Variants in ASIP observed in about 807,000 individuals in gnomAD.
ASIP encodes the protein agouti signaling protein.
A neutral mutation model predicts 10.3 loss-of-function variants in ASIP; 11 were observed. The ratio of observed to expected loss-of-function variants is 1.07; its 90% CI spans 0.68 to 1.78. ASIP has a LOEUF of 1.78. ASIP is among the 40% of genes most tolerant of loss of function. The pLI is 0.00. For missense variants in ASIP, 180 were observed against 169.2 expected (o/e 1.06, Z -0.35); for synonymous variants, 70 against 70.8 (o/e 0.99, Z 0.06).
At chr20:34,198,540 G>A (rs2034873223) in intron 1 of ASIP, among the ~76,000 whole-genome samples, 1 of 152,092 alleles carries the variant, frequency 6.6e-6, no homozygotes, top group African/African-American at 2.4e-5. Context: ...AGGCTGGAGT[G>A]CAGTGGTGTG....
chr20:34,223,199 C>G (rs2035062642), intron 1 of ASIP, among the ~76,000 whole-genome samples: 1 of 151,932 alleles, frequency 6.6e-6, no homozygotes, highest in Non-Finnish European at 1.5e-5. Flanking sequence ...CTCTTCCCAG[C>G]CGCCATCACA....
chr20:34,214,921 A>G, intron 1 of ASIP: 2 of 1,496,846 alleles, frequency 1.3e-6, no homozygotes, highest in East Asian at 2.3e-5. Flanking sequence ...AGCATTCTTA[A>G]TATTCCCATT....
At chr20:34,265,080 C>T (rs1288740440) in intron 3 of ASIP, among the ~76,000 whole-genome samples, 1 of 152,096 alleles carries the variant, frequency 6.6e-6, no homozygotes, top group Admixed American at 6.5e-5. Context: ...CCTGCATTAG[C>T]CACCATGCCC....
upstream of ASIP, among the ~76,000 whole-genome samples, chr20:34,194,254 T>TA (rs1207210126): frequency 1.3e-5 from 2 of 152,166 alleles, no homozygotes; most frequent in Non-Finnish European, 2.9e-5. Flanking sequence ...AAAAAAATCT[T>TA]ACTTTCTTCC....
At chr20:34,222,581 C>T (rs2035055143) in intron 1 of ASIP, among the ~76,000 whole-genome samples, 1 of 152,178 alleles carries the variant, frequency 6.6e-6, no homozygotes, top group Admixed American at 6.5e-5. Context: ...AAGTGGGACC[C>T]AGGAATCTTT....
intron 1 of ASIP, among the ~76,000 whole-genome samples, chr20:34,256,730 G>A (rs909372944): frequency 2.0e-5 from 3 of 152,096 alleles, no homozygotes; most frequent in Admixed American, 6.6e-5. Context: ...TACACGTACC[G>A]CCTCCTAATT....
intron 1 of ASIP, among the ~76,000 whole-genome samples, chr20:34,205,574 C>A (rs1202497474): frequency 6.8e-6 from 1 of 146,770 alleles, no homozygotes; most frequent in East Asian, 2.0e-4. Flanking sequence ...GGGACCCAAA[C>A]GGGTTGCTGC....
intron 3 of ASIP, among the ~76,000 whole-genome samples, chr20:34,267,418 T>C (rs997571634): frequency 7.9e-6 from 1 of 126,192 alleles, no homozygotes; most frequent in Non-Finnish European, 1.5e-5. Flanking sequence ...ACATCTGTAA[T>C]CTCAGCACTT....
Position 34,214,649 on chromosome 20 carries a change from GT to G in ASIP, c.-11+19893del, listed in dbSNP as rs2034995774. The G allele has an allele frequency of 2.8e-6, 3 of 1,086,444 alleles. 1 individual carries two copies. The South Asian group carries it at 3.7e-5, about 13-fold the overall frequency. 67.3% of individuals were successfully genotyped at this position (1,086,444 alleles called of 1,614,324 possible). Reference sequence around the variant, plus strand: ...AGCCTGTCCAACACTAACTTCAGTTGTTTTCTATATTCTACAAACATGGCTT... The same window carrying G: ...AGCCTGTCCAACACTAACTTCAGTTGTTTCTATATTCTACAAACATGGCTT... On this transcript the variant is annotated intron_variant, in intron 1 of 3. Coordinates refer to the ASIP transcript ENST00000568305.
At chr20:34,226,202 G>A (rs2035092006) in intron 1 of ASIP, among the ~76,000 whole-genome samples, 1 of 152,060 alleles carries the variant, frequency 6.6e-6, no homozygotes, top group Non-Finnish European at 1.5e-5. Flanking sequence ...CAGCTGACGT[G>A]TACCTACTTT....
At chr20:34,191,345 C>T (rs2034823527), upstream of ASIP, among the ~76,000 whole-genome samples, 1 of 152,172 alleles carries the variant, frequency 6.6e-6, no homozygotes, top group African/African-American at 2.4e-5. Flanking sequence ...AATTCTACGA[C>T]CCTTTCTCCA....
chr20:34,264,298 T>G (rs2035747685), intron 3 of ASIP, among the ~76,000 whole-genome samples: 1 of 152,196 alleles, frequency 6.6e-6, no homozygotes, highest in Non-Finnish European at 1.5e-5. Context: ...ATTGTGAAGA[T>G]ACCTCCTGTT....
At chr20:34,259,174 C>A (rs985369175) in intron 1 of ASIP, among the ~76,000 whole-genome samples, 2 of 147,654 alleles carry the variant, frequency 1.4e-5, no homozygotes, top group African/African-American at 5.3e-5. Flanking sequence ...TGTGCCACTG[C>A]ACTCCAGCCT....
chr20:34,268,975 G>A lies in ASIP; in HGVS notation c.223-16G>A, dbSNP rs2035839228. The A allele has an allele frequency of 1.3e-6, 2 of 1,592,562 alleles. No homozygotes were observed. The highest frequency in any genetic ancestry group is 1.1e-5 in the South Asian group (1 of 87,848). ...GGGCGTGGCCGGCTCATAAAGCCCC[G>A]GCGTTTCCCACGCAGAAGGAGGCTT... On this transcript the variant is annotated splice_polypyrimidine_tract_variant and intron_variant, in intron 3 of 3. Transcript: ENST00000374954.
At chr20:34,248,092 G>T (rs542971510) in intron 1 of ASIP, among the ~76,000 whole-genome samples, 256 of 152,198 alleles carry the variant, frequency 1.7e-3, no homozygotes, top group Non-Finnish European at 2.9e-3. Context: ...TGTAATCCCA[G>T]CTACTCAGGA....
upstream of ASIP, among the ~76,000 whole-genome samples, chr20:34,191,728 CTCTTTTTTTTT>C (rs2034825490): frequency 7.4e-6 from 1 of 135,642 alleles, no homozygotes; most frequent in Non-Finnish European, 1.5e-5. Context: ...CTCTCTCTCT[CTCTTTTTTTTT>C]TTTTTTTTTG....
At chr20:34,252,321 G>T (rs2035490358) in intron 1 of ASIP, among the ~76,000 whole-genome samples, 1 of 152,186 alleles carries the variant, frequency 6.6e-6, no homozygotes, top group South Asian at 2.1e-4. Context: ...TTAGTGAGGG[G>T]AGTGTAGCAG....
intron 3 of ASIP, among the ~76,000 whole-genome samples, chr20:34,267,459 CAAAAAAA>C (rs953440256): frequency 9.1e-4 from 42 of 46,284 alleles, no homozygotes; most frequent in South Asian, 1.9e-3. Context: ...AACTGGCTCT[CAAAAAAA>C]AAAAAAAAAA....
chr20:34,203,486 C>T (rs988680357), intron 1 of ASIP, among the ~76,000 whole-genome samples: 1 of 152,018 alleles, frequency 6.6e-6, no homozygotes, highest in Non-Finnish European at 1.5e-5. Flanking sequence ...CAACCTCTGC[C>T]TCCTGGGTTC....
Sources: allele counts gnomAD v4.1 joint callset (sites outside exome capture counted in the v4.1 genomes callset), GRCh38; gene constraint gnomAD v4.1.1; transcripts MANE v1.5; gene names NCBI Gene and HGNC (gene_info 2026-07-23, HGNC 2026-07-21).